Variants in DNAJC12 observed in about 807,000 individuals in gnomAD.
The protein encoded by DNAJC12 is DnaJ heat shock protein family (Hsp40) member C12.
In DNAJC12, 25 loss-of-function variants were observed where a neutral mutation model predicts 28.5. The observed-to-expected ratio is 0.88, with a 90% confidence interval of 0.64 to 1.22. The LOEUF (loss-of-function observed/expected upper bound fraction) is 1.22, where lower values mean the gene tolerates loss of function less well. Among genes scored for constraint, DNAJC12 ranks in the 50% most tolerant of loss-of-function variants. The pLI, the probability that DNAJC12 is intolerant of heterozygous loss-of-function variation, is 0.00. For missense variants in DNAJC12, 222 were observed against 231.7 expected, an observed-to-expected ratio of 0.96 and a Z score of 0.27; for synonymous variants, 77 against 80.6, an observed-to-expected ratio of 0.95 and a Z score of 0.24.
At chr10:67,832,912 G>C (rs1043466089) in intron 1 of DNAJC12, among the ~76,000 whole-genome samples, 2 of 152,174 alleles carry the variant, frequency 1.3e-5, no homozygotes, top group South Asian at 4.1e-4. Flanking sequence ...CCCCACATGA[G>C]ATACTAAGAA....
chr10:67,823,618 T>C (rs1842001732), intron 1 of DNAJC12, among the ~76,000 whole-genome samples: 1 of 151,898 alleles, frequency 6.6e-6, no homozygotes. Context: ...GAAGGACCCC[T>C]TAAGCCCAGG....
In DNAJC12 at chr10:67,805,610, C is replaced by A. The variant is rs1326558877; in HGVS notation, c.475G>T (p.Val159Phe). The part of the protein sequence containing the change: ...QKEPKPLEKS[V>F]SPQNSDSSGF... ...GAAGAATCTGAATTTTGCGGGGAGACTGACTTCTCTAGGGGCTTGGGTTCT... is the reference window on the plus strand; with the variant it reads ...GAAGAATCTGAATTTTGCGGGGAGAATGACTTCTCTAGGGGCTTGGGTTCT... Residue 159 changes from valine (V) to phenylalanine (F), a missense_variant, in exon 4 of 5, where the codon GTC becomes TTC. By Grantham distance (50) the Val-to-Phe change is conservative. Transcript: ENST00000225171. 6.2e-6 allele frequency: 10 copies of A among 1,610,270 alleles called. 1 individual carries two copies. The African/African-American group carries it at 6.7e-5, about 11-fold the overall frequency.
chr10:67,814,331 T>C (rs919529823), intron 2 of DNAJC12, among the ~76,000 whole-genome samples: 1 of 152,158 alleles, frequency 6.6e-6, no homozygotes, highest in Admixed American at 6.5e-5. Context: ...AATTTAGATT[T>C]CTACCTTAAG....
intron 4 of DNAJC12, among the ~76,000 whole-genome samples, chr10:67,800,112 A>T (rs1378571641): frequency 6.7e-6 from 1 of 148,296 alleles, no homozygotes; most frequent in Non-Finnish European, 1.5e-5. Context: ...AGTCCCAGCC[A>T]TTTGGGGGCG....
intron 1 of DNAJC12, among the ~76,000 whole-genome samples, chr10:67,827,378 C>T (rs1283964115): frequency 7.0e-6 from 1 of 143,448 alleles, no homozygotes; most frequent in African/African-American, 2.6e-5. Flanking sequence ...CAGAGCAGGG[C>T]TCTGTCTCAA....
At chr10:67,807,312 A>C (rs1444335884) in intron 3 of DNAJC12, among the ~76,000 whole-genome samples, 1 of 152,180 alleles carries the variant, frequency 6.6e-6, no homozygotes, top group African/African-American at 2.4e-5. Context: ...GTTTCGATGC[A>C]AAAACATACA....
chr10:67,819,699 G>GAAAGAAAGAAAGAAAGAAAGAAAGAAAGA (rs1491448750), intron 2 of DNAJC12, among the ~76,000 whole-genome samples: 4 of 24,650 alleles, frequency 1.6e-4, no homozygotes, highest in Non-Finnish European at 3.8e-4. Context: ...AGAAAGAAAG[G>GAAAGAAAGAAAGAAAGAAAGAAAGAAAGA]AAGGAAGGAA....
chr10:67,805,119 C>T (rs1841785599), intron 4 of DNAJC12, among the ~76,000 whole-genome samples: 1 of 152,112 alleles, frequency 6.6e-6, no homozygotes, highest in South Asian at 2.1e-4. Flanking sequence ...GTCAACCTGC[C>T]TTGGTTCAGA....
At chr10:67,816,968 A>G (rs548726720) in intron 2 of DNAJC12, among the ~76,000 whole-genome samples, 1 of 152,060 alleles carries the variant, frequency 6.6e-6, no homozygotes, top group African/African-American at 2.4e-5. Context: ...CAGTGACACT[A>G]TTTTTATAGC....
intron 2 of DNAJC12, among the ~76,000 whole-genome samples, chr10:67,822,916 G>T (rs1362234175): frequency 1.3e-5 from 2 of 151,712 alleles, no homozygotes; most frequent in Non-Finnish European, 2.9e-5. Flanking sequence ...AATCACTTGA[G>T]CCCAGGAGCC....
chr10:67,812,055 G>A (rs1388608316), intron 2 of DNAJC12, among the ~76,000 whole-genome samples: 1 of 152,136 alleles, frequency 6.6e-6, no homozygotes, highest in Non-Finnish European at 1.5e-5. Flanking sequence ...AATTAGGCAA[G>A]AGGGACAGTA....
chr10:67,814,539 G>A (rs1334595416), intron 2 of DNAJC12, among the ~76,000 whole-genome samples: 2 of 152,122 alleles, frequency 1.3e-5, no homozygotes, highest in Non-Finnish European at 2.9e-5. Flanking sequence ...TAAAACTTTT[G>A]TGCCTCAAAG....
In DNAJC12 at chr10:67,799,878, CA is replaced by C. The variant is rs56055620; in HGVS notation, c.503-2669del. Among the ~76,000 whole-genome samples, 40 of 128,344 alleles carry C rather than the reference CA, an allele frequency of 3.1e-4. 1 individual carries two copies. Among genetic ancestry groups the C allele is most frequent in the African/African-American group, 9.8e-4 (34 of 34,546 alleles). 84.2% of individuals were successfully genotyped at this position (128,344 alleles called of 152,430 possible). A position where few individuals can be genotyped will look rare whatever the true frequency, so the allele number is the denominator to read the frequency against. On this transcript the variant is annotated intron_variant, in intron 4 of 4. Coordinates refer to ENST00000225171, the MANE Select transcript of DNAJC12 (RefSeq NM_021800.3). ...AGCCTGGGCGACAGAGCGAGACTGTCAAAAAAAAAAAAATGTAGTTTCTAGT... is the reference window on the plus strand; with the variant it reads ...AGCCTGGGCGACAGAGCGAGACTGTCAAAAAAAAAAAATGTAGTTTCTAGT...
chr10:67,805,443 TA>T, intron 4 of DNAJC12, 139 bp downstream of exon 4: 1 of 888,282 alleles, frequency 1.1e-6, no homozygotes, highest in Non-Finnish European at 1.7e-6. Flanking sequence ...GTGTCAATGC[TA>T]AGTGTCTTTT....
At chr10:67,832,455 A>G (rs1189598317) in intron 1 of DNAJC12, among the ~76,000 whole-genome samples, 1 of 152,168 alleles carries the variant, frequency 6.6e-6, no homozygotes, top group African/African-American at 2.4e-5. Context: ...TAATTAAGTC[A>G]TGAGGCATAG....
chr10:67,811,418 G>A (rs1390550098), intron 3 of DNAJC12, 106 bp downstream of exon 3: 4 of 1,539,742 alleles, frequency 2.6e-6, no homozygotes, highest in South Asian at 1.3e-5. Flanking sequence ...TAACTTCTTG[G>A]TTTTCTCCCT....
intron 2 of DNAJC12, among the ~76,000 whole-genome samples, chr10:67,821,886 A>G (rs1025328469): frequency 6.6e-6 from 1 of 152,218 alleles, no homozygotes; most frequent in Non-Finnish European, 1.5e-5. Flanking sequence ...CAAGGCTTCC[A>G]TGACACCAAC....
At chr10:67,804,850 G>C (rs1312258812) in intron 4 of DNAJC12, among the ~76,000 whole-genome samples, 1 of 152,100 alleles carries the variant, frequency 6.6e-6, no homozygotes, top group African/African-American at 2.4e-5. Flanking sequence ...TGGCCAACAT[G>C]ATGAAACCCC....
rs1402651931 is a variant in DNAJC12, at chr10:67,830,661, TTTG to T, written c.78+7270_79-7270del. On this transcript the variant is annotated intron_variant, in intron 1 of 4. Transcript: ENST00000225171. Reference sequence around the variant, plus strand: ...AATAAATAAATAAATAAATAAATTTTTTGATACTTAATATGTGCCAGGCACTTT... The same window carrying T: ...AATAAATAAATAAATAAATAAATTTTATACTTAATATGTGCCAGGCACTTT... Among the ~76,000 whole-genome samples, 4 of 147,434 alleles carry T rather than the reference TTTG, an allele frequency of 2.7e-5. No individual in the cohort carries two copies. In the East Asian group the frequency reaches 8.0e-4, roughly 29 times the overall value.
Sources: gnomAD v4.1 joint callset for allele counts (sites outside exome capture counted in the v4.1 genomes callset) on GRCh38, gnomAD v4.1.1 for gene constraint, MANE v1.5 for transcripts, NCBI Gene and HGNC (gene_info 2026-07-23, HGNC 2026-07-21) for gene names.